The following CHRNA7 variants were observed in gnomAD, a reference collection of about 807,000 sequenced individuals.
CHRNA7 encodes the protein neuronal acetylcholine receptor subunit alpha-7.
In CHRNA7, 17 loss-of-function variants were observed where a neutral mutation model predicts 48.0. The observed-to-expected ratio is 0.35, with a 90% confidence interval of 0.24 to 0.53. CHRNA7 has a LOEUF of 0.53. Among genes scored for constraint, CHRNA7 ranks in the 20% least tolerant of loss-of-function variants. The pLI is 0.92. For synonymous variants in CHRNA7, 75 were observed against 242.3 expected, an observed-to-expected ratio of 0.31 and a Z score of 6.41; for missense variants, 155 against 577.7, an observed-to-expected ratio of 0.27 and a Z score of 7.50.
chr15:32,108,024 A>G (rs2050699444), intron 3 of CHRNA7, among the ~76,000 whole-genome samples: 3 of 152,108 alleles, frequency 2.0e-5, no homozygotes, highest in South Asian at 2.1e-4. Context: ...TTATACCATA[A>G]TGTATTTTTT....
rs191533367 is a variant in CHRNA7, at chr15:32,135,850, A to G, written c.351-18057A>G. 1.5e-3 allele frequency among the ~76,000 whole-genome samples: 228 copies of G among 152,372 alleles called. 1 individual carries two copies. The highest frequency in any genetic ancestry group is 5.1e-3 in the African/African-American group (213 of 41,584). Reference sequence around the variant, plus strand: ...AGAGAAAAATAGATAGCTTGCTAACAAAGAGATGGCAATTAGACTGACTGC... The same window carrying G: ...AGAGAAAAATAGATAGCTTGCTAACGAAGAGATGGCAATTAGACTGACTGC... On this transcript the variant is annotated intron_variant, in intron 4 of 9. Transcript: ENST00000306901.
chr15:32,084,416 G>A (rs1186523005), intron 2 of CHRNA7, among the ~76,000 whole-genome samples: 1 of 152,172 alleles, frequency 6.6e-6, no homozygotes, highest in Non-Finnish European at 1.5e-5. Flanking sequence ...TTGGAGTTCA[G>A]CACTGGGGAC....
At chr15:32,031,700 A>C (rs1384958522) in intron 2 of CHRNA7, among the ~76,000 whole-genome samples, 1 of 152,246 alleles carries the variant, frequency 6.6e-6, no homozygotes, top group Non-Finnish European at 1.5e-5. Flanking sequence ...CTTGCCTTGC[A>C]GCCTTGCTAG....
At chr15:32,038,685 T>G (rs1408570253) in intron 2 of CHRNA7, among the ~76,000 whole-genome samples, 1 of 152,200 alleles carries the variant, frequency 6.6e-6, no homozygotes, top group Non-Finnish European at 1.5e-5. Flanking sequence ...TTGTTGAGCA[T>G]TTTTGAATCT....
intron 2 of CHRNA7, among the ~76,000 whole-genome samples, chr15:32,064,262 C>CCTT (rs137904930): frequency 0.023 from 3,454 of 152,066 alleles, 110 homozygotes; most frequent in African/African-American, 0.079. Context: ...TTTCCCTTCC[C>CCTT]CTTCTTCTTT....
At chr15:32,048,420 T>C (rs961937362) in intron 2 of CHRNA7, among the ~76,000 whole-genome samples, 4 of 152,216 alleles carry the variant, frequency 2.6e-5, no homozygotes, top group Admixed American at 2.6e-4. Context: ...TGTCGAGGAA[T>C]TTACCATTTC....
intron 4 of CHRNA7, among the ~76,000 whole-genome samples, chr15:32,137,209 T>C (rs1248334807): frequency 6.6e-6 from 1 of 152,028 alleles, no homozygotes; most frequent in Non-Finnish European, 1.5e-5. Context: ...AATATATCTC[T>C]ATGCATTTAA....
intron 2 of CHRNA7, among the ~76,000 whole-genome samples, chr15:32,047,265 A>G (rs1461885215): frequency 6.8e-6 from 1 of 146,408 alleles, no homozygotes; most frequent in African/African-American, 2.6e-5. Context: ...CTTGGGCAGT[A>G]TGGCCATTTT....
chr15:32,081,178 C>G (rs992076324), intron 2 of CHRNA7, among the ~76,000 whole-genome samples: 1 of 152,080 alleles, frequency 6.6e-6, no homozygotes, highest in African/African-American at 2.4e-5. Context: ...GGAAAAATAG[C>G]AAATGCATGC....
intron 4 of CHRNA7, among the ~76,000 whole-genome samples, chr15:32,119,634 A>T (rs1332210264): frequency 1.7e-4 from 21 of 125,698 alleles, no homozygotes; most frequent in East Asian, 1.6e-3. Flanking sequence ...TGAACATTTT[A>T]AAAAAAAATA....
chr15:32,145,459 A>C (rs1435213260), intron 4 of CHRNA7, among the ~76,000 whole-genome samples: 1 of 152,220 alleles, frequency 6.6e-6, no homozygotes, highest in South Asian at 2.1e-4. Flanking sequence ...CAGAGGTGTC[A>C]GACAGAGATG....
chr15:32,104,305 T>A (rs1312072372), intron 3 of CHRNA7, among the ~76,000 whole-genome samples: 1 of 151,936 alleles, frequency 6.6e-6, no homozygotes, highest in Non-Finnish European at 1.5e-5. Flanking sequence ...CTGGCTGCTC[T>A]CCCTGCCAGG....
At chr15:32,147,540 A>G (rs2051517295) in intron 4 of CHRNA7, among the ~76,000 whole-genome samples, 1 of 152,196 alleles carries the variant, frequency 6.6e-6, no homozygotes, top group African/African-American at 2.4e-5. Context: ...GTGACAAAGC[A>G]TGACCCTGTC....
At chr15:32,152,377 A>T (rs2051648157) in intron 4 of CHRNA7, among the ~76,000 whole-genome samples, 1 of 152,130 alleles carries the variant, frequency 6.6e-6, no homozygotes, top group Non-Finnish European at 1.5e-5. Flanking sequence ...CAGGAGGCAG[A>T]GGTTGCAGTG....
chr15:32,110,193 G>T (rs895335551), intron 3 of CHRNA7, among the ~76,000 whole-genome samples: 6 of 152,206 alleles, frequency 3.9e-5, no homozygotes, highest in African/African-American at 1.4e-4. Flanking sequence ...CTGTGGCAGG[G>T]CCTTGTGCCC....
chr15:32,151,925 T>C (rs2051638286), intron 4 of CHRNA7, among the ~76,000 whole-genome samples: 1 of 152,198 alleles, frequency 6.6e-6, no homozygotes, highest in Non-Finnish European at 1.5e-5. Flanking sequence ...TCTGTAGTCA[T>C]GGGCAGCTCC....
At chr15:32,131,737 T>C (rs2051160509) in intron 4 of CHRNA7, among the ~76,000 whole-genome samples, 1 of 152,220 alleles carries the variant, frequency 6.6e-6, no homozygotes, top group Non-Finnish European at 1.5e-5. Context: ...TTACAGGTGA[T>C]TTTTAAAATT....
chr15:32,053,585 C>G (rs1363537451), intron 2 of CHRNA7, among the ~76,000 whole-genome samples: 3 of 152,150 alleles, frequency 2.0e-5, no homozygotes, highest in Admixed American at 2.0e-4. Context: ...ACACACACCC[C>G]TGTTATCCTT....
chr15:32,141,832 G>A (rs149965428), intron 4 of CHRNA7, among the ~76,000 whole-genome samples: 23,252 of 152,130 alleles, frequency 0.15, 1,902 homozygotes, highest in East Asian at 0.36. Context: ...TGAGACAATG[G>A]GGTTTTCTAA....
Sources: allele counts gnomAD v4.1 joint callset (sites outside exome capture counted in the v4.1 genomes callset), GRCh38; gene constraint gnomAD v4.1.1; transcripts MANE v1.5; gene names NCBI Gene and HGNC (gene_info 2026-07-23, HGNC 2026-07-21).